DDX10: variants seen among roughly 807,000 people sequenced by gnomAD.
DDX10 encodes the protein DEAD-box helicase 10.
DDX10 carries 74 observed loss-of-function variants against 104.3 expected under a neutral mutation model. That is an observed-to-expected ratio of 0.71 (90% CI 0.59 to 0.86). The LOEUF is 0.86. Ranked by LOEUF, DDX10 falls within the 40% of genes least tolerant of loss-of-function variation. The pLI is 0.00. For synonymous variants in DDX10, 351 were observed against 353.4 expected, an observed-to-expected ratio of 0.99 and a Z score of 0.08; for missense variants, 952 against 1,040.0, an observed-to-expected ratio of 0.92 and a Z score of 1.16.
rs928022948 is a variant in DDX10, at chr11:108,744,448, C to T, written c.1965+20986C>T. Among the ~76,000 whole-genome samples the T allele has an allele frequency of 1.7e-4, 26 of 152,158 alleles. 1 individual carries two copies. On this transcript the variant is annotated intron_variant, in intron 13 of 17. Coordinates refer to ENST00000322536, the MANE Select transcript of DDX10 (RefSeq NM_004398.4). ...ACAATCCACAGCCACTTCAGGGACT[C>T]ATTTATTCTTCCAGTGAAAAGTCCA...
At chr11:108,749,613 A>G (rs1190563645) in intron 13 of DDX10, among the ~76,000 whole-genome samples, 1 of 152,204 alleles carries the variant, frequency 6.6e-6, no homozygotes, top group East Asian at 1.9e-4. Flanking sequence ...GTCAATAAAT[A>G]TAGCATCTGT....
chr11:108,888,333 C>T lies in DDX10; in HGVS notation c.2305-29540C>T, dbSNP rs540493363. 1.3e-4 allele frequency among the ~76,000 whole-genome samples: 20 copies of T among 152,250 alleles called. No homozygotes were observed. The South Asian group carries it at 4.2e-3, about 32-fold the overall frequency. ...ATGGGTGGCTCCAATTATCTTAATA[C>T]TTATACTTGTTCAATATATATTCCC... On this transcript the variant is annotated intron_variant, in intron 16 of 17. Transcript: ENST00000322536.
chr11:108,836,409 A>G (rs1862556029), intron 13 of DDX10, among the ~76,000 whole-genome samples: 1 of 152,238 alleles, frequency 6.6e-6, no homozygotes. Context: ...CGTGACCATT[A>G]TCTAAAAATA....
chr11:108,812,348 TAA>T (rs1263768901), intron 13 of DDX10, among the ~76,000 whole-genome samples: 1 of 152,216 alleles, frequency 6.6e-6, no homozygotes, highest in Non-Finnish European at 1.5e-5. Context: ...ATATATGTAG[TAA>T]GTTAATTAAC....
intron 13 of DDX10, among the ~76,000 whole-genome samples, chr11:108,797,790 A>G (rs1157231832): frequency 1.3e-5 from 2 of 152,226 alleles, no homozygotes; most frequent in Non-Finnish European, 2.9e-5. Context: ...GGAAAGGTAT[A>G]AATAAATAAA....
Position 108,841,523 on chromosome 11 carries a change from GA to G in DDX10, c.2247+49del, listed in dbSNP as rs750856322. Reference sequence around the variant, plus strand: ...CATACTGAGTAAAATTTAGTGTCCCGAAGTATATCTAAATATTCATTAGCTA... The same window carrying G: ...CATACTGAGTAAAATTTAGTGTCCCGAGTATATCTAAATATTCATTAGCTA... On this transcript the variant is annotated intron_variant, in intron 15 of 17. Transcript: ENST00000322536. The G allele has an allele frequency of 5.2e-6, 8 of 1,526,256 alleles. No individual in the cohort carries two copies. In the South Asian group the frequency reaches 9.6e-5, roughly 18 times the overall value. 94.5% of individuals were successfully genotyped at this position (1,526,256 alleles called of 1,614,324 possible).
chr11:108,939,378 C>T (rs542929093), intron 17 of DDX10, among the ~76,000 whole-genome samples: 1 of 152,306 alleles, frequency 6.6e-6, no homozygotes, highest in South Asian at 2.1e-4. Flanking sequence ...GAGACTAATG[C>T]ACTCCACACT....
chr11:108,781,304 A>G lies in DDX10; in HGVS notation c.1966-57142A>G, dbSNP rs541969417. 2.0e-5 allele frequency among the ~76,000 whole-genome samples: 3 copies of G among 152,214 alleles called. No homozygotes were observed. In the South Asian group the frequency reaches 6.2e-4, roughly 32 times the overall value. On this transcript the variant is annotated intron_variant, in intron 13 of 17. Coordinates refer to ENST00000322536, the MANE Select transcript of DDX10 (RefSeq NM_004398.4). The stretch of plus-strand genomic sequence containing the variant: ...GTGCCATATTTTCTTTATCCAGTAC[A>G]CCATTGATGGGGACCTAGGTTGATT...
intron 13 of DDX10, among the ~76,000 whole-genome samples, chr11:108,765,200 C>G (rs1477298339): frequency 6.6e-6 from 1 of 152,084 alleles, no homozygotes; most frequent in African/African-American, 2.4e-5. Context: ...ATATAACAGT[C>G]TATTATTTGC....
intron 13 of DDX10, among the ~76,000 whole-genome samples, chr11:108,836,511 G>C (rs1034141318): frequency 1.3e-5 from 2 of 152,152 alleles, no homozygotes; most frequent in African/African-American, 4.8e-5. Flanking sequence ...TATTGAGACA[G>C]AGTCTTGTTC....
intron 13 of DDX10, chr11:108,729,855 T>A (rs896168370): frequency 2.8e-4 from 42 of 152,202 alleles, no homozygotes; most frequent in African/African-American, 9.4e-4. Context: ...GTCTGCAAAT[T>A]CTTTAATGAT....
rs201286713 is a variant in DDX10, at chr11:108,753,140, A to C, written c.1965+29678A>C. ...AATGCATAAAATTTCTGCAAACCAA[A>C]TGTGTGTTTAATTGTTTTCTACAGA... On this transcript the variant is annotated intron_variant, in intron 13 of 17. Transcript: ENST00000322536. 2.4e-3 allele frequency among the ~76,000 whole-genome samples: 278 copies of C among 117,988 alleles called. 1 individual carries two copies. The highest frequency in any genetic ancestry group is 4.4e-3 in the Non-Finnish European group (225 of 51,518). The allele number at this position is 117,988 out of a possible 152,430, so 77.4% of individuals were successfully genotyped here. A position where few individuals can be genotyped will look rare whatever the true frequency, so the allele number is the denominator to read the frequency against.
intron 13 of DDX10, among the ~76,000 whole-genome samples, chr11:108,814,610 T>G (rs1862229312): frequency 6.6e-6 from 1 of 152,182 alleles, no homozygotes; most frequent in Non-Finnish European, 1.5e-5. Context: ...GATTTCCTGC[T>G]TCATACAATC....
chr11:108,675,400 T>G (rs1005796909), intron 2 of DDX10, among the ~76,000 whole-genome samples, 196 bp from the exon 3 acceptor site: 5 of 152,124 alleles, frequency 3.3e-5, no homozygotes, highest in Non-Finnish European at 5.9e-5. Flanking sequence ...ACCGTTTGTG[T>G]TGGATCAGAG....
intron 16 of DDX10, among the ~76,000 whole-genome samples, chr11:108,862,555 C>G (rs903808216): frequency 6.6e-6 from 1 of 152,052 alleles, no homozygotes; most frequent in Non-Finnish European, 1.5e-5. Context: ...CCCCTTGTTC[C>G]AAGAAGTGTG....
chr11:108,710,455 T>G (rs1474095034), intron 10 of DDX10, among the ~76,000 whole-genome samples: 1 of 152,162 alleles, frequency 6.6e-6, no homozygotes, highest in Non-Finnish European at 1.5e-5. Flanking sequence ...TAAAACTTTT[T>G]TTTTTTTAAA....
chr11:108,723,825 A>G (rs1413671702), intron 13 of DDX10, among the ~76,000 whole-genome samples: 1 of 152,146 alleles, frequency 6.6e-6, no homozygotes, highest in Non-Finnish European at 1.5e-5. Context: ...CTGATTGATT[A>G]AATTATAAGG....
chr11:108,809,056 A>T (rs893226782), intron 13 of DDX10, among the ~76,000 whole-genome samples: 20 of 152,026 alleles, frequency 1.3e-4, no homozygotes, highest in Non-Finnish European at 1.8e-4. Context: ...TTTTACTAGC[A>T]CTGATCTTAA....
intron 13 of DDX10, among the ~76,000 whole-genome samples, chr11:108,757,967 G>A (rs1324290109): frequency 1.3e-5 from 2 of 151,866 alleles, no homozygotes; most frequent in Non-Finnish European, 2.9e-5. Flanking sequence ...GAATTAATTT[G>A]ACTGTCAGAC....
Sources: allele counts gnomAD v4.1 joint callset (sites outside exome capture counted in the v4.1 genomes callset), GRCh38; gene constraint gnomAD v4.1.1; transcripts MANE v1.5; gene names NCBI Gene and HGNC (gene_info 2026-07-23, HGNC 2026-07-21).